Variants in GSK3A observed in about 807,000 individuals in gnomAD.
GSK3A encodes glycogen synthase kinase 3 alpha, also known as glycogen synthase kinase-3 alpha.
In GSK3A, 14 loss-of-function variants were observed where a neutral mutation model predicts 56.6. The observed-to-expected ratio is 0.25, with a 90% CI of 0.16 to 0.39. The LOEUF (loss-of-function observed/expected upper bound fraction) is 0.39, where lower values mean the gene tolerates loss of function less well. Among genes scored for constraint, GSK3A ranks in the 10% least tolerant of loss-of-function variants. The pLI is 1.00. For synonymous variants in GSK3A, 301 were observed against 285.0 expected, an observed-to-expected ratio of 1.06 and a Z score of -0.56; for missense variants, 450 against 656.0, an observed-to-expected ratio of 0.69 and a Z score of 3.43.
chr19:42,242,373 T>G lies in GSK3A; in HGVS notation c.93A>C (p.Gly31=), dbSNP rs1302383392. 1.4e-6 allele frequency: 2 copies of G among 1,392,830 alleles called. No individual in the cohort carries two copies. Among genetic ancestry groups the G allele is most frequent in the Non-Finnish European group, 1.9e-6 (2 of 1,075,998 alleles). 86.3% of individuals were successfully genotyped at this position (1,392,830 alleles called of 1,614,324 possible). Residue 31 remains glycine, a synonymous_variant, in exon 1 of 11, where the codon GGA becomes GGC. Coordinates refer to ENST00000222330, the MANE Select transcript of GSK3A (RefSeq NM_019884.3). ...SFAEPGGGGG[G]GGGGPGGSAS... is the part of the protein sequence containing the mutation. The stretch of plus-strand genomic sequence containing the variant: ...CCGAGCCTCCGGGGCCGCCGCCGCC[T>G]CCTCCGCCTCCGCCGCCGGGCTCCG...
chr19:42,240,818 G>T (rs1350605170), intron 1 of GSK3A: 3 of 152,186 alleles, frequency 2.0e-5, no homozygotes, highest in Non-Finnish European at 2.9e-5. Flanking sequence ...GTCCCTAATG[G>T]ACAAGCACCA....
At chr19:42,232,205 G>A (rs2036228617) in intron 9 of GSK3A, 56 bp from the exon 10 acceptor site, 1 of 1,080,266 alleles carries the variant, frequency 9.3e-7, no homozygotes, top group African/African-American at 1.6e-5. Context: ...GTTATGATGG[G>A]CACCAAATGG....
At position 42,234,511 on chromosome 19, in the gene GSK3A, CCT is replaced by C; in HGVS notation, c.797+35_797+36del. 5 of 1,612,614 alleles carry C rather than the reference CCT, an allele frequency of 3.1e-6. No individual in the cohort carries two copies. Among genetic ancestry groups the C allele is most frequent in the Non-Finnish European group, 4.2e-6 (5 of 1,178,690 alleles). On this transcript the variant is annotated intron_variant, in intron 5 of 10. Coordinates refer to ENST00000222330, the MANE Select transcript of GSK3A (RefSeq NM_019884.3). The surrounding 1 kb of genome is among the most constrained non-coding windows in gnomAD (Gnocchi z 5.7). ...ACGTGAGGCAAGGGTTGGGGTCCCCCCTGCCTCTTCAGCCACCCAACATGCCC... is the reference window on the plus strand; with the variant it reads ...ACGTGAGGCAAGGGTTGGGGTCCCCCGCCTCTTCAGCCACCCAACATGCCC...
chr19:42,240,393 G>C (rs1039467726), intron 1 of GSK3A: 3 of 582,114 alleles, frequency 5.2e-6, no homozygotes. Context: ...CTGCTTCAAG[G>C]GTTGGCAACC....
intron 2 of GSK3A, among the ~76,000 whole-genome samples, chr19:42,237,164 T>G (rs1452682571): frequency 6.7e-6 from 1 of 148,230 alleles, no homozygotes; most frequent in African/African-American, 2.5e-5. Flanking sequence ...TTCACCCCAT[T>G]TTTTTTTTTT....
rs2036284386 is a variant in GSK3A, at chr19:42,240,395, T to C, written c.284-253A>G. On this transcript the variant is annotated intron_variant, in intron 1 of 10. Transcript: ENST00000222330. ...TACCTAAATCTCTCTGCTTCAAGGG[T>C]TGGCAACCCCAAATTTCTACTTCTA... 2.2e-5 allele frequency: 13 copies of C among 583,202 alleles called. No individual in the cohort carries two copies. In the South Asian group the frequency reaches 2.8e-4, roughly 13 times the overall value. The allele number at this position is 583,202 out of a possible 1,614,324, so 36.1% of individuals were successfully genotyped here.
rs771524236 is a variant in GSK3A at position 42,240,088 on chromosome 19, C to T, written c.338G>A (p.Arg113His). 2 of 1,614,186 alleles carry T rather than the reference C, an allele frequency of 1.2e-6. No homozygotes were observed. Among genetic ancestry groups the T allele is most frequent in the South Asian group, 1.1e-5 (1 of 91,082 alleles). ...VVATLGQGPE[R>H]SQEVAYTDIK... ...GTCCGTGTAAGCCACTTCTTGGGAG[C>T]GCTCTGGGCCTTGGCCTAGAGTGGC... Residue 113 changes from arginine to histidine, a missense_variant, in exon 2 of 11, where the codon CGC becomes CAC. Coordinates refer to ENST00000222330, the MANE Select transcript of GSK3A (RefSeq NM_019884.3).
chr19:42,238,332 G>A (rs1007752441), intron 2 of GSK3A, among the ~76,000 whole-genome samples: 1 of 148,218 alleles, frequency 6.7e-6, no homozygotes, highest in South Asian at 2.1e-4. Context: ...GCAGTGAGCC[G>A]ACATCACACC....
In GSK3A at chr19:42,236,848, G is replaced by C. The variant is rs201441403; in HGVS notation, c.555+10C>G. On this transcript the variant is annotated intron_variant, in intron 3 of 10. Transcript: ENST00000222330. The stretch of plus-strand genomic sequence containing the variant: ...TGGAGCAACCCACCACCACCACCTC[G>C]AGATCTCACCTTCTCGCCACTGGAG... 30 of 1,600,682 alleles carry C rather than the reference G, an allele frequency of 1.9e-5. No individual in the cohort carries two copies. The highest frequency in any genetic ancestry group is 2.5e-5 in the Non-Finnish European group (29 of 1,167,886).
chr19:42,236,722 G>A lies in GSK3A; in HGVS notation c.556-6C>T, dbSNP rs1287921259. 3 of 1,604,366 alleles carry A rather than the reference G, an allele frequency of 1.9e-6. No homozygotes were observed. The highest frequency in any genetic ancestry group is 2.6e-6 in the Non-Finnish European group (3 of 1,171,170). On this transcript the variant is annotated splice_region_variant and splice_polypyrimidine_tract_variant and intron_variant, in intron 3 of 10. Coordinates refer to ENST00000222330, the MANE Select transcript of GSK3A (RefSeq NM_019884.3). Reference sequence around the variant, plus strand: ...TTTAGGTAAAGCTCGTCTTTCTGCAGGGAGCAAAGGAGAGGTGTGAGGCAC... The same window carrying A: ...TTTAGGTAAAGCTCGTCTTTCTGCAAGGAGCAAAGGAGAGGTGTGAGGCAC...
At chr19:42,241,436 A>C (rs2036291427) in intron 1 of GSK3A, 1 of 152,190 alleles carries the variant, frequency 6.6e-6, no homozygotes, top group Non-Finnish European at 1.5e-5. Flanking sequence ...ATTCTGTAGG[A>C]AACTGTGACC....
Position 42,242,454 on chromosome 19 carries a change from G to T in GSK3A, c.12C>A (p.Gly4=). Residue 4 remains glycine, a synonymous_variant, in exon 1 of 11, where the codon GGC becomes GGA. Coordinates refer to ENST00000222330, the MANE Select transcript of GSK3A (RefSeq NM_019884.3). Reference sequence around the variant, plus strand: ...CCCCAGGGCCGCCTCCCGAAGGCCCGCCGCCGCTCATGGCGCCGAGCACAG... The same window carrying T: ...CCCCAGGGCCGCCTCCCGAAGGCCCTCCGCCGCTCATGGCGCCGAGCACAG... MSG[G]GPSGGGPGGS... 8.0e-7 allele frequency: 1 copy of T among 1,244,778 alleles called. No individual in the cohort carries two copies. The highest frequency in any genetic ancestry group is 2.6e-5 in the South Asian group (1 of 37,996). 77.1% of individuals were successfully genotyped at this position (1,244,778 alleles called of 1,614,324 possible).
chr19:42,242,205 C>G lies in GSK3A; in HGVS notation c.261G>C (p.Pro87=). Residue 87 remains proline (P), a synonymous_variant, in exon 1 of 11, where the codon CCG becomes CCC. Transcript: ENST00000222330. ...CACGGCCCAGCTTCACCCCGGGCGG[C>G]GGGAAGCTAGTGCCTGCGCCGGGGC... The part of the protein sequence containing the change: ...SGGPGAGTSF[P]PPGVKLGRDS... 1 of 1,439,024 alleles carries G rather than the reference C, an allele frequency of 6.9e-7. No homozygotes were observed. The highest frequency in any genetic ancestry group is 3.0e-5 in the East Asian group (1 of 33,784). 89.1% of individuals were successfully genotyped at this position (1,439,024 alleles called of 1,614,324 possible). A position where few individuals can be genotyped will look rare whatever the true frequency, so the allele number is the denominator to read the frequency against.
Position 42,234,742 on chromosome 19 carries a change from C to G in GSK3A, c.667-64G>C. Reference sequence around the variant, plus strand: ...TTCCCCATACAGCACCACTACCCCACCAGCTTGGCCTGAAGAGCCCTTCCA... The same window carrying G: ...TTCCCCATACAGCACCACTACCCCAGCAGCTTGGCCTGAAGAGCCCTTCCA... On this transcript the variant is annotated intron_variant, in intron 4 of 10. Coordinates refer to ENST00000222330, the MANE Select transcript of GSK3A (RefSeq NM_019884.3). This position sits in a 1 kb window ranked among gnomAD's most constrained non-coding sequence, Gnocchi z 5.7. 1 of 1,459,734 alleles carries G rather than the reference C, an allele frequency of 6.9e-7. No homozygotes were observed. The highest frequency in any genetic ancestry group is 9.1e-7 in the Non-Finnish European group (1 of 1,098,802). 90.4% of individuals were successfully genotyped at this position (1,459,734 alleles called of 1,614,324 possible). A position where few individuals can be genotyped will look rare whatever the true frequency, so the allele number is the denominator to read the frequency against.
Position 42,232,530 on chromosome 19 carries a change from G to A in GSK3A, c.1251C>T (p.Arg417=), listed in dbSNP as rs778481986. The A allele has an allele frequency of 3.7e-6, 6 of 1,614,150 alleles. No homozygotes were observed. In the Admixed American group the frequency reaches 8.3e-5, roughly 22 times the overall value. ...TGAAGTTGAAGAGAGGGGGAAGTGG[G>A]CGGTTGTTAGGCAGCTGGGTTCCCA... ...RCLGTQLPNN[R]PLPPLFNFSA... is the part of the protein sequence containing the mutation. The change falls in exon 9 of 11, where the codon CGC becomes CGT. Residue 417 remains arginine (R), a synonymous_variant. Coordinates refer to ENST00000222330, the MANE Select transcript of GSK3A (RefSeq NM_019884.3).
rs770282435 is a variant in GSK3A at position 42,232,519 on chromosome 19, G to T, written c.1262C>A (p.Pro421His). 27 of 1,614,178 alleles carry T rather than the reference G, an allele frequency of 1.7e-5. No individual in the cohort carries two copies. The highest frequency in any genetic ancestry group is 1.2e-5 in the Non-Finnish European group (14 of 1,180,032). Residue 421 changes from proline (P) to histidine (H), a missense_variant, in exon 9 of 11, where the codon CCT (proline) becomes CAT (histidine). Physicochemically the swap from Pro to His is moderately conservative, Grantham distance 77. This residue lies in a region of GSK3A where 113 missense variants were observed against 147.5 expected (regional missense o/e 0.77). Transcript: ENST00000222330. ...ACCACCAGCACTGAAGTTGAAGAGA[G>T]GGGGAAGTGGGCGGTTGTTAGGCAG... ...TQLPNNRPLPPLFNFSAGELS... is the reference protein window; with the variant it reads ...TQLPNNRPLPHLFNFSAGELS...
At chr19:42,235,110 G>A (rs368742619) in intron 4 of GSK3A, among the ~76,000 whole-genome samples, 16 of 152,214 alleles carry the variant, frequency 1.1e-4, no homozygotes, top group East Asian at 7.7e-4. Context: ...GTGGGTGACA[G>A]AGACCCTGTC....
At chr19:42,240,438 G>A in intron 1 of GSK3A, 1 of 570,958 alleles carries the variant, frequency 1.8e-6, no homozygotes, top group Non-Finnish European at 3.1e-6. Context: ...ACAGATCACT[G>A]GTCCATCTTG....
chr19:42,233,534 C>T lies in GSK3A; in HGVS notation c.905-151G>A, dbSNP rs1163295986. 1.4e-5 allele frequency: 9 copies of T among 624,172 alleles called. No individual in the cohort carries two copies. In the East Asian group the frequency reaches 2.5e-4, roughly 17 times the overall value. 38.7% of individuals were successfully genotyped at this position (624,172 alleles called of 1,614,324 possible). A position where few individuals can be genotyped will look rare whatever the true frequency, so the allele number is the denominator to read the frequency against. ...CCCAAGGTCACATGCAGCTTAGAAA[C>T]ATGGGCCCGACCTTGACCCTGCCTT... On this transcript the variant is annotated intron_variant, in intron 6 of 10. Transcript: ENST00000222330.
Sources: gnomAD v4.1 joint callset for allele counts (sites outside exome capture counted in the v4.1 genomes callset) on GRCh38, gnomAD v4.1.1 for gene constraint, gnomAD v4.1.1 regional missense constraint, Gnocchi (gnomAD v3.1) non-coding constraint, MANE v1.5 for transcripts, NCBI Gene and HGNC (gene_info 2026-07-23, HGNC 2026-07-21) for gene names.